The following MAPK3 variants were observed in gnomAD, a reference collection of about 807,000 sequenced individuals.
MAPK3 encodes the protein mitogen-activated protein kinase 3, also known as MAPK 1.
In MAPK3, 30 loss-of-function variants were observed where a neutral mutation model predicts 41.8. That is an observed-to-expected ratio of 0.72 (90% CI 0.54 to 0.97). The LOEUF is 0.97. Ranked by LOEUF, MAPK3 falls within the 50% of genes least tolerant of loss-of-function variation. MAPK3 has a pLI of 0.00. For synonymous variants in MAPK3, 222 were observed against 213.4 expected, an observed-to-expected ratio of 1.04 and a Z score of -0.35; for missense variants, 413 against 509.9, an observed-to-expected ratio of 0.81 and a Z score of 1.83.
intron 2 of MAPK3, 116 bp from the exon 3 acceptor site, chr16:30,118,654 C>A: frequency 1.3e-6 from 1 of 770,826 alleles, no homozygotes; most frequent in Admixed American, 2.9e-5. Context: ...CCCTGGGACT[C>A]AATAGATCTG....
At position 30,118,557 on chromosome 16, in the gene MAPK3, A is replaced by ACC; in HGVS notation, c.354-21_354-20dup. On this transcript the variant is annotated intron_variant, in intron 2 of 8. Coordinates refer to ENST00000263025, the MANE Select transcript of MAPK3 (RefSeq NM_002746.3). ...AATGTAGCTGAGGATGGTTCCGCAG[A>ACC]CCCCCCCAGGCAGGGGGCAGTGGGA... The ACC allele has an allele frequency of 6.3e-7, 1 of 1,593,514 alleles. No individual in the cohort carries two copies.
rs939674105 is a variant in MAPK3, at chr16:30,114,493, G to C, written c.*248C>G. 6.6e-6 allele frequency: 1 copy of C among 152,368 alleles called. No homozygotes were observed. Among genetic ancestry groups the C allele is most frequent in the East Asian group, 1.9e-4 (1 of 5,194 alleles). 9.4% of individuals were successfully genotyped at this position (152,368 alleles called of 1,614,324 possible). A position where few individuals can be genotyped will look rare whatever the true frequency, so the allele number is the denominator to read the frequency against. On this transcript the variant is annotated 3_prime_UTR_variant, in exon 9 of 9. Transcript: ENST00000263025. ...AAGGTAAGGGCGCAGCAGCAGCAGCGGGAGATTGAACTGGGGCCACCTGAG... is the reference window on the plus strand; with the variant it reads ...AAGGTAAGGGCGCAGCAGCAGCAGCCGGAGATTGAACTGGGGCCACCTGAG...
At chr16:30,120,041 C>T (rs75944536) in intron 2 of MAPK3, among the ~76,000 whole-genome samples, 37 of 152,206 alleles carry the variant, frequency 2.4e-4, no homozygotes, top group Non-Finnish European at 4.3e-4. Flanking sequence ...TGGTGGCAGG[C>T]GCCTGTAGTC....
intron 4 of MAPK3, 120 bp from the exon 5 acceptor site, chr16:30,117,904 G>T: frequency 1.9e-6 from 2 of 1,067,178 alleles, no homozygotes; most frequent in South Asian, 1.3e-5. Flanking sequence ...GGCCTGGAGG[G>T]CTCAATGCTC....
intron 4 of MAPK3, 33 bp downstream of exon 4, chr16:30,118,014 C>G (rs768362532): frequency 4.4e-6 from 7 of 1,586,670 alleles, no homozygotes; most frequent in East Asian, 2.2e-5. Flanking sequence ...GGGAACTGGT[C>G]CGTTCCTTTC....
intron 2 of MAPK3, among the ~76,000 whole-genome samples, chr16:30,120,358 G>A (rs141851754): frequency 6.2e-5 from 9 of 144,482 alleles, no homozygotes; most frequent in Non-Finnish European, 1.2e-4. Context: ...GGGGGTTGCA[G>A]ACACCTCAGT....
intron 3 of MAPK3, 45 bp downstream of exon 3, chr16:30,118,304 C>A: frequency 6.3e-7 from 1 of 1,591,878 alleles, no homozygotes; most frequent in Non-Finnish European, 8.6e-7. Context: ...TCACTGGAAG[C>A]CCCAGACCCT....
At chr16:30,122,828 C>G (rs1222703643) in intron 1 of MAPK3, 7 of 454,580 alleles carry the variant, frequency 1.5e-5, no homozygotes, top group Non-Finnish European at 1.9e-5. Context: ...TCAAAGCCTC[C>G]AAGCCTGCTC....
At position 30,116,634 on chromosome 16, in the gene MAPK3, A is replaced by T; in HGVS notation, c.*32+2T>A. The T allele has an allele frequency of 6.2e-7, 1 of 1,610,684 alleles. No individual in the cohort carries two copies. The highest frequency in any genetic ancestry group is 1.9e-4 in the Middle Eastern group (1 of 5,268). ...CCATGTGTGGGCCATGGAGACACTCACCAGGCCCCAGGGTGCAGAGATGTC... is the reference window on the plus strand; with the variant it reads ...CCATGTGTGGGCCATGGAGACACTCTCCAGGCCCCAGGGTGCAGAGATGTC... On this transcript the variant is annotated splice_donor_variant, in intron 8 of 8. Transcript: ENST00000263025. LOFTEE classifies it low-confidence loss of function (3UTR_SPLICE).
At chr16:30,116,559 G>A in intron 8 of MAPK3, 77 bp downstream of exon 8, 1 of 1,445,656 alleles carries the variant, frequency 6.9e-7, no homozygotes, top group Non-Finnish European at 9.4e-7. Flanking sequence ...GGCATGTACA[G>A]ATAGATATAG....
At chr16:30,116,416 C>G (rs1035002520) in intron 8 of MAPK3, among the ~76,000 whole-genome samples, 5 of 151,428 alleles carry the variant, frequency 3.3e-5, no homozygotes, top group African/African-American at 7.3e-5. Flanking sequence ...CTCAGGTGAT[C>G]CACTCCTCTC....
rs2073035669 is a variant in MAPK3, at chr16:30,123,152, C to T, written c.58G>A (p.Val20Ile). Residue 20 changes from valine (V) to isoleucine (I), a missense_variant, in exon 1 of 9, where the codon GTC (valine) becomes ATC (isoleucine). This residue lies in a region of MAPK3 where 145 missense variants were observed against 133.0 expected (regional missense o/e 1.09). Coordinates refer to ENST00000263025, the MANE Select transcript of MAPK3 (RefSeq NM_002746.3). Reference protein sequence around the residue: ...GGGEPRRTEGVGPGVPGEVEM... With the variant: ...GGGEPRRTEGIGPGVPGEVEM... ...ACCTCCCCCGGGACCCCCGGGCCGA[C>T]CCCCTCGGTTCTACGGGGCTCCCCG... is the stretch of plus-strand genomic sequence containing the variant. The T allele has an allele frequency of 6.6e-7, 1 of 1,518,350 alleles. No homozygotes were observed. The highest frequency in any genetic ancestry group is 8.9e-7 in the Non-Finnish European group (1 of 1,128,790). The allele number at this position is 1,518,350 out of a possible 1,614,324, so 94.1% of individuals were successfully genotyped here.
Position 30,121,812 on chromosome 16 carries a change from G to A in MAPK3, c.353+12C>T. On this transcript the variant is annotated intron_variant, in intron 2 of 8. Transcript: ENST00000263025. Reference sequence around the variant, plus strand: ...CGTGCCTGACCAGCCGACTGGCCAAGGTGAAGGATACACATCTCTCATGGC... The same window carrying A: ...CGTGCCTGACCAGCCGACTGGCCAAAGTGAAGGATACACATCTCTCATGGC... 1 of 1,612,000 alleles carries A rather than the reference G, an allele frequency of 6.2e-7. No homozygotes were observed. The highest frequency in any genetic ancestry group is 8.5e-7 in the Non-Finnish European group (1 of 1,178,500).
At position 30,117,873 on chromosome 16, in the gene MAPK3, C is replaced by A. The variant is rs2072974123; in HGVS notation, c.661-89G>T. On this transcript the variant is annotated intron_variant, in intron 4 of 8. Coordinates refer to ENST00000263025, the MANE Select transcript of MAPK3 (RefSeq NM_002746.3). Reference sequence around the variant, plus strand: ...CAGGCCACCACCTCCAAGTTAGATCCAACACCAGGCAGAAGGCAGAGGCCT... The same window carrying A: ...CAGGCCACCACCTCCAAGTTAGATCAAACACCAGGCAGAAGGCAGAGGCCT... 5 of 1,165,144 alleles carry A rather than the reference C, an allele frequency of 4.3e-6. No individual in the cohort carries two copies. In the Admixed American group the frequency reaches 7.2e-5, roughly 17 times the overall value. 72.2% of individuals were successfully genotyped at this position (1,165,144 alleles called of 1,614,324 possible).
At chr16:30,122,944 C>T in intron 1 of MAPK3, 96 bp downstream of exon 1, 3 of 1,120,560 alleles carry the variant, frequency 2.7e-6, no homozygotes, top group Non-Finnish European at 3.6e-6. Flanking sequence ...GGACGCTCCG[C>T]GTCTCCACGT....
chr16:30,123,000 C>G (rs1439280534), intron 1 of MAPK3, 40 bp downstream of exon 1: 3 of 1,428,020 alleles, frequency 2.1e-6, no homozygotes, highest in African/African-American at 1.5e-5. Context: ...GCGAAGCCCC[C>G]TCCCCTGAGG....
rs1305328086 is a variant in MAPK3, at chr16:30,122,017, C to T, written c.171-11G>A. 1.9e-6 allele frequency: 3 copies of T among 1,613,650 alleles called. No individual in the cohort carries two copies. The highest frequency in any genetic ancestry group is 1.6e-4 in the Middle Eastern group (1 of 6,062). ...TGGTCATAGGCCGAGCTGAGGGGACCGGAGAGAGGCTGCTGCTGTGGCCTT... is the reference window on the plus strand; with the variant it reads ...TGGTCATAGGCCGAGCTGAGGGGACTGGAGAGAGGCTGCTGCTGTGGCCTT... On this transcript the variant is annotated splice_polypyrimidine_tract_variant and intron_variant, in intron 1 of 8. Transcript: ENST00000263025.
At position 30,118,463 on chromosome 16, in the gene MAPK3, G is replaced by A. The variant is rs766206384; in HGVS notation, c.429C>T (p.Ile143=). 1.2e-6 allele frequency: 2 copies of A among 1,614,076 alleles called. No individual in the cohort carries two copies. Among genetic ancestry groups the A allele is most frequent in the South Asian group, 1.1e-5 (1 of 91,074 alleles). Residue 143 remains isoleucine (I), a synonymous_variant, in exon 3 of 9, where the codon ATC becomes ATT. Transcript: ENST00000263025. ...GCAGGATCTGGTAGAGGAAGTAGCA[G>A]ATATGGTCATTGCTCAGCTGCTGGC... ...LKSQQLSNDH[I]CYFLYQILRG...
At chr16:30,117,610 G>C (rs1484018996) in intron 5 of MAPK3, 60 bp downstream of exon 5, 2 of 1,376,590 alleles carry the variant, frequency 1.5e-6, no homozygotes, top group South Asian at 1.2e-5. Flanking sequence ...TTGGACTCTC[G>C]AGAAATCTCA....
Sources: gnomAD v4.1 joint callset for allele counts (sites outside exome capture counted in the v4.1 genomes callset) on GRCh38, gnomAD v4.1.1 for gene constraint, gnomAD v4.1.1 regional missense constraint, MANE v1.5 for transcripts, NCBI Gene and HGNC (gene_info 2026-07-23, HGNC 2026-07-21) for gene names.